Variants in ZNF804A observed in about 807,000 individuals in gnomAD.
ZNF804A encodes zinc finger protein 804A.
Under a neutral mutation model 16.5 loss-of-function variants are expected in ZNF804A, and 2 were observed. The ratio of observed to expected loss-of-function variants is 0.12; its 90% confidence interval spans 0.05 to 0.38. The LOEUF is 0.38. Among genes scored for constraint, ZNF804A ranks in the 10% least tolerant of loss-of-function variants. The probability of loss-of-function intolerance (pLI) is 0.99; values close to 1 mark genes in which losing one functional copy is unlikely to be tolerated. For synonymous variants in ZNF804A, 534 were observed against 489.6 expected, an observed-to-expected ratio of 1.09 and a Z score of -1.20; for missense variants, 1,473 against 1,390.7, an observed-to-expected ratio of 1.06 and a Z score of -0.94.
chr2:184,617,867 T>TA (rs1455446288), intron 1 of ZNF804A, among the ~76,000 whole-genome samples: 3 of 151,802 alleles, frequency 2.0e-5, no homozygotes, highest in African/African-American at 7.2e-5. Context: ...AAAATTTACA[T>TA]AAAATATGTC....
At chr2:184,677,422 A>G (rs1692456705) in intron 1 of ZNF804A, among the ~76,000 whole-genome samples, 1 of 151,980 alleles carries the variant, frequency 6.6e-6, no homozygotes, top group South Asian at 2.1e-4. Context: ...AAGAGAAATG[A>G]GATTACCATG....
At chr2:184,647,432 A>G (rs1010149801) in intron 1 of ZNF804A, among the ~76,000 whole-genome samples, 3 of 152,338 alleles carry the variant, frequency 2.0e-5, no homozygotes, top group Non-Finnish European at 4.4e-5. Flanking sequence ...TAAAGATTTC[A>G]CAGCTTGGAT....
chr2:184,831,445 A>G (rs1574232634), intron 1 of ZNF804A, among the ~76,000 whole-genome samples: 1 of 152,074 alleles, frequency 6.6e-6, no homozygotes, highest in South Asian at 2.1e-4. Flanking sequence ...TTATTTTCAA[A>G]TGCTTTTGAA....
chr2:184,785,659 C>T (rs1027338990), intron 1 of ZNF804A, among the ~76,000 whole-genome samples: 8 of 151,790 alleles, frequency 5.3e-5, no homozygotes, highest in Admixed American at 4.6e-4. Context: ...TTGCAAAAGA[C>T]ATATATAAAT....
At chr2:184,620,506 G>A (rs1691400417) in intron 1 of ZNF804A, among the ~76,000 whole-genome samples, 1 of 151,650 alleles carries the variant, frequency 6.6e-6, no homozygotes, top group Non-Finnish European at 1.5e-5. Context: ...TTGGCAAAAC[G>A]AACTCATCTA....
In ZNF804A at chr2:184,936,944, C is replaced by A. The variant is rs2105844224; in HGVS notation, c.1548C>A (p.Ser516Arg). 6.2e-7 allele frequency: 1 copy of A among 1,613,896 alleles called. No homozygotes were observed. Among genetic ancestry groups the A allele is most frequent in the East Asian group, 2.2e-5 (1 of 44,832 alleles). Reference protein sequence around the residue: ...EGLTDYEIGSSKNKCSQVTPL... With the variant: ...EGLTDYEIGSRKNKCSQVTPL... The stretch of plus-strand genomic sequence containing the variant: ...TCACTGATTATGAAATTGGAAGTAG[C>A]AAAAATAAATGCAGCCAAGTCACTC... The change falls in exon 4 of 4, where the codon AGC becomes AGA. Residue 516 changes from serine to arginine, a missense_variant. Physicochemically the swap from Ser to Arg is moderately radical, Grantham distance 110. Coordinates refer to ENST00000302277, the MANE Select transcript of ZNF804A (RefSeq NM_194250.2).
chr2:184,934,828 C>T (rs911013035), intron 3 of ZNF804A, among the ~76,000 whole-genome samples: 4 of 152,062 alleles, frequency 2.6e-5, no homozygotes, highest in Non-Finnish European at 5.9e-5. Context: ...GCCACACATA[C>T]ATGATTTTCC....
At chr2:184,756,131 T>A (rs1207024234) in intron 1 of ZNF804A, among the ~76,000 whole-genome samples, 1 of 152,066 alleles carries the variant, frequency 6.6e-6, no homozygotes, top group African/African-American at 2.4e-5. Flanking sequence ...TTATAAATAT[T>A]CATTTCTTAC....
chr2:184,775,190 G>A (rs1694268914), intron 1 of ZNF804A, among the ~76,000 whole-genome samples: 1 of 151,628 alleles, frequency 6.6e-6, no homozygotes, highest in East Asian at 1.9e-4. Context: ...AAGATCTTAG[G>A]AGTGTTATGT....
intron 2 of ZNF804A, among the ~76,000 whole-genome samples, chr2:184,878,134 T>G (rs1440650839): frequency 6.6e-6 from 1 of 152,142 alleles, no homozygotes; most frequent in Admixed American, 6.6e-5. Flanking sequence ...CCCAGATTGC[T>G]GTGTTTAAAT....
At chr2:184,705,372 G>T (rs1376916374) in intron 1 of ZNF804A, among the ~76,000 whole-genome samples, 1 of 152,132 alleles carries the variant, frequency 6.6e-6, no homozygotes, top group African/African-American at 2.4e-5. Flanking sequence ...CTGGATATGG[G>T]AATGTAAAAA....
At chr2:184,764,625 T>A (rs980755948) in intron 1 of ZNF804A, among the ~76,000 whole-genome samples, 4 of 152,146 alleles carry the variant, frequency 2.6e-5, no homozygotes, top group Non-Finnish European at 5.9e-5. Flanking sequence ...TTAAAAAAGA[T>A]ACAAAACAAC....
chr2:184,845,145 A>G (rs369742336), intron 1 of ZNF804A, among the ~76,000 whole-genome samples: 2 of 152,174 alleles, frequency 1.3e-5, no homozygotes, highest in Admixed American at 6.6e-5. Context: ...AAAACTTAAC[A>G]TATTAATCAT....
At chr2:184,614,358 T>A (rs1238049895) in intron 1 of ZNF804A, among the ~76,000 whole-genome samples, 2 of 152,160 alleles carry the variant, frequency 1.3e-5, no homozygotes, top group Non-Finnish European at 2.9e-5. Context: ...GCAGTACCAT[T>A]CAGGACATAG....
intron 2 of ZNF804A, among the ~76,000 whole-genome samples, chr2:184,922,322 C>A (rs1228914835): frequency 6.6e-6 from 1 of 151,946 alleles, no homozygotes; most frequent in Non-Finnish European, 1.5e-5. Flanking sequence ...TGTCTCATTG[C>A]AGTTTTGATA....
intron 1 of ZNF804A, among the ~76,000 whole-genome samples, chr2:184,662,529 T>A (rs1300480327): frequency 6.6e-6 from 1 of 152,220 alleles, no homozygotes; most frequent in Non-Finnish European, 1.5e-5. Context: ...ATTTGAATGG[T>A]GTCTCAGTGA....
intron 1 of ZNF804A, among the ~76,000 whole-genome samples, chr2:184,849,808 A>G (rs1695574659): frequency 6.6e-6 from 1 of 152,074 alleles, no homozygotes; most frequent in Non-Finnish European, 1.5e-5. Context: ...AAGGTTTGGA[A>G]TCAACTTAAG....
intron 2 of ZNF804A, among the ~76,000 whole-genome samples, chr2:184,871,194 C>T (rs1207558880): frequency 6.6e-6 from 1 of 151,682 alleles, no homozygotes; most frequent in Non-Finnish European, 1.5e-5. Flanking sequence ...GCTACCAACA[C>T]CACCCTTGGA....
At chr2:184,925,283 A>G (rs1282664544) in intron 2 of ZNF804A, among the ~76,000 whole-genome samples, 2 of 151,888 alleles carry the variant, frequency 1.3e-5, no homozygotes, top group African/African-American at 4.8e-5. Context: ...GTCGTTATAT[A>G]GTGACCTTCT....
Sources: gnomAD v4.1 joint callset for allele counts (sites outside exome capture counted in the v4.1 genomes callset) on GRCh38, gnomAD v4.1.1 for gene constraint, MANE v1.5 for transcripts, NCBI Gene and HGNC (gene_info 2026-07-23, HGNC 2026-07-21) for gene names.